Variants in SUPT4H1 observed in about 807,000 individuals in gnomAD.
SUPT4H1 encodes SPT4 homolog, DSIF elongation factor subunit, also known as transcription elongation factor SPT4.
In SUPT4H1, 12 loss-of-function variants were observed where a neutral mutation model predicts 19.4. That is an observed-to-expected ratio of 0.62 (90% CI 0.40 to 1.00). The LOEUF (loss-of-function observed/expected upper bound fraction) is 1.00, where lower values mean the gene tolerates loss of function less well. SUPT4H1 is among the 50% of genes least tolerant of loss of function. The pLI is 0.00. For missense variants in SUPT4H1, 115 were observed against 149.2 expected (o/e 0.77, Z 1.19); for synonymous variants, 58 against 56.3 (o/e 1.03, Z -0.14).
intron 2 of SUPT4H1, 126 bp downstream of exon 2, chr17:58,351,276 C>G: frequency 3.5e-6 from 2 of 579,378 alleles, no homozygotes; most frequent in South Asian, 5.0e-5. Context: ...AAAAAAAAAC[C>G]CACACAAAAT....
In SUPT4H1 at chr17:58,345,429, C is replaced by G. The variant is rs540079047; in HGVS notation, c.*817G>C. ...CGAAAAATGGGATGTTACCCAAGGT[C>G]CCCTACTAGGCCGGAGGAGAAAAGG... On this transcript the variant is annotated 3_prime_UTR_variant, in exon 5 of 5. Transcript: ENST00000225504. The G allele has an allele frequency of 1.3e-5, 2 of 152,054 alleles. No individual in the cohort carries two copies. Among genetic ancestry groups the G allele is most frequent in the Non-Finnish European group, 2.9e-5 (2 of 68,012 alleles). 9.4% of individuals were successfully genotyped at this position (152,054 alleles called of 1,614,324 possible). A position where few individuals can be genotyped will look rare whatever the true frequency, so the allele number is the denominator to read the frequency against.
At chr17:58,346,426 T>G (rs1972290064) in intron 4 of SUPT4H1, 113 bp from the exon 5 acceptor site, 1 of 838,426 alleles carries the variant, frequency 1.2e-6, no homozygotes, top group Non-Finnish European at 2.0e-6. Flanking sequence ...CCTAGACTAC[T>G]TATCAATCGT....
At chr17:58,348,233 A>AG (rs1247558464) in intron 2 of SUPT4H1, among the ~76,000 whole-genome samples, 7 of 152,268 alleles carry the variant, frequency 4.6e-5, no homozygotes, top group African/African-American at 1.7e-4. Context: ...TTCAAGGGCT[A>AG]GAAGATGCTG....
chr17:58,347,233 T>G lies in SUPT4H1; in HGVS notation c.241A>C (p.Lys81Gln). Residue 81 changes from lysine to glutamine, a missense_variant, in exon 4 of 5, where the codon AAG becomes CAG. Physicochemically the swap from Lys to Gln is moderately conservative, Grantham distance 53 (BLOSUM62 1). Coordinates refer to ENST00000225504, the MANE Select transcript of SUPT4H1 (RefSeq NM_003168.3). ...VSKWQRVSNF[K>Q]PGVYAVSVTG... is the part of the protein sequence containing the mutation. The stretch of plus-strand genomic sequence containing the variant: ...ACTGACACCGCATATACACCTGGCT[T>G]AAAGTTACCTGAGAGAGAAGAAAAA... 6.2e-7 allele frequency: 1 copy of G among 1,614,136 alleles called. No homozygotes were observed. The highest frequency in any genetic ancestry group is 8.5e-7 in the Non-Finnish European group (1 of 1,179,996).
intron 4 of SUPT4H1, 60 bp downstream of exon 4, chr17:58,347,128 T>TA (rs1167750823): frequency 9.8e-6 from 15 of 1,525,710 alleles, no homozygotes; most frequent in East Asian, 4.5e-5. Context: ...TTAATTCAGA[T>TA]AAAAAAACTT....
rs181115521 is a variant in SUPT4H1, at chr17:58,350,891, A to G, written c.176+511T>C. 9.9e-5 allele frequency among the ~76,000 whole-genome samples: 15 copies of G among 151,146 alleles called. No homozygotes were observed. The East Asian group carries it at 2.9e-3, about 29-fold the overall frequency. On this transcript the variant is annotated intron_variant, in intron 2 of 4. Transcript: ENST00000225504. ...TTTTGGGCAATGATCTACCATTACT[A>G]CACCTCCCTTCCCTTCATTTTCAAA...
At chr17:58,348,027 C>A (rs1471783851) in intron 2 of SUPT4H1, among the ~76,000 whole-genome samples, 2 of 152,152 alleles carry the variant, frequency 1.3e-5, no homozygotes, top group Non-Finnish European at 2.9e-5. Context: ...TATGGGGACC[C>A]CTCTAATGAC....
At chr17:58,347,327 G>C in intron 3 of SUPT4H1, 86 bp from the exon 4 acceptor site, 1 of 1,473,330 alleles carries the variant, frequency 6.8e-7, no homozygotes, top group Non-Finnish European at 9.5e-7. Flanking sequence ...AAGAAGTGAT[G>C]CAACTCCAAG....
intron 2 of SUPT4H1, among the ~76,000 whole-genome samples, chr17:58,350,284 C>A (rs1009117666): frequency 2.0e-5 from 3 of 151,480 alleles, no homozygotes; most frequent in African/African-American, 7.3e-5. Context: ...GAGGCCGAGG[C>A]GGGTGGATCA....
At chr17:58,348,640 C>A (rs1156537702) in intron 2 of SUPT4H1, among the ~76,000 whole-genome samples, 3 of 152,230 alleles carry the variant, frequency 2.0e-5, no homozygotes, top group African/African-American at 7.2e-5. Context: ...AGAATTCCCA[C>A]TGTTCTCCAA....
chr17:58,352,078 A>G lies in SUPT4H1; in HGVS notation c.58T>C (p.Ser20Pro). 3 of 1,614,188 alleles carry G rather than the reference A, an allele frequency of 1.9e-6. No homozygotes were observed. The highest frequency in any genetic ancestry group is 2.5e-6 in the Non-Finnish European group (3 of 1,180,022). ...TCCCCGACTGACACCTTGACCAGCG[A>G]ACACAGCAAACAGGCCCGCAGATGC... ...LRHLRACLLC[S>P]LVKTIDQFEY... is the part of the protein sequence containing the mutation. Residue 20 changes from serine (S) to proline (P), a missense_variant, in exon 1 of 5, where the codon TCG becomes CCG. Coordinates refer to ENST00000225504, the MANE Select transcript of SUPT4H1 (RefSeq NM_003168.3).
At chr17:58,351,069 G>C (rs1398756805) in intron 2 of SUPT4H1, among the ~76,000 whole-genome samples, 4 of 151,892 alleles carry the variant, frequency 2.6e-5, no homozygotes, top group Non-Finnish European at 4.4e-5. Context: ...CGTGGATAGT[G>C]GTCACTGTAT....
intron 3 of SUPT4H1, 84 bp from the exon 4 acceptor site, chr17:58,347,325 A>T: frequency 1.3e-6 from 2 of 1,485,322 alleles, no homozygotes; most frequent in Non-Finnish European, 1.9e-6. Flanking sequence ...TAAAGAAGTG[A>T]TGCAACTCCA....
At chr17:58,349,130 T>C (rs1031746026) in intron 2 of SUPT4H1, among the ~76,000 whole-genome samples, 7 of 152,246 alleles carry the variant, frequency 4.6e-5, no homozygotes, top group Admixed American at 4.6e-4. Context: ...GTGCAGTTGC[T>C]AAACAGTATG....
chr17:58,347,220 T>A lies in SUPT4H1; in HGVS notation c.254A>T (p.Tyr85Phe). 6.2e-7 allele frequency: 1 copy of A among 1,614,220 alleles called. No homozygotes were observed. The highest frequency in any genetic ancestry group is 8.5e-7 in the Non-Finnish European group (1 of 1,180,044). The stretch of plus-strand genomic sequence containing the variant: ...CAGGCGACCAGTGACTGACACCGCA[T>A]ATACACCTGGCTTAAAGTTACCTGA... ...QRVSNFKPGV[Y>F]AVSVTGRLPQ... The change falls in exon 4 of 5, where the codon TAT becomes TTT. Residue 85 changes from tyrosine to phenylalanine, a missense_variant. Physicochemically the swap from Tyr to Phe is conservative, Grantham distance 22. Coordinates refer to ENST00000225504, the MANE Select transcript of SUPT4H1 (RefSeq NM_003168.3).
At chr17:58,347,124 C>G in intron 4 of SUPT4H1, 64 bp downstream of exon 4, 1 of 1,488,202 alleles carries the variant, frequency 6.7e-7, no homozygotes, top group Non-Finnish European at 9.4e-7. Context: ...GGCATTAATT[C>G]AGATAAAAAA....
intron 2 of SUPT4H1, among the ~76,000 whole-genome samples, chr17:58,350,927 A>G (rs1158625305): frequency 3.3e-5 from 5 of 151,380 alleles, no homozygotes; most frequent in Admixed American, 2.6e-4. Context: ...AAAAATTTTC[A>G]TGCATTTAAC....
chr17:58,348,845 C>T (rs1408379580), intron 2 of SUPT4H1, among the ~76,000 whole-genome samples: 2 of 152,126 alleles, frequency 1.3e-5, no homozygotes, highest in African/African-American at 2.4e-5. Context: ...TCTTTAAGAC[C>T]TAATATGCAC....
chr17:58,352,193 G>T lies in SUPT4H1; in HGVS notation c.-58C>A. 2.6e-6 allele frequency: 4 copies of T among 1,538,264 alleles called. No homozygotes were observed. Among genetic ancestry groups the T allele is most frequent in the Non-Finnish European group, 3.6e-6 (4 of 1,113,364 alleles). Reference sequence around the variant, plus strand: ...ACGACCACAGCCTGTGCACCCGCAGGAAGTAAATAGCTCGTTACCCAGAAT... The same window carrying T: ...ACGACCACAGCCTGTGCACCCGCAGTAAGTAAATAGCTCGTTACCCAGAAT... On this transcript the variant is annotated 5_prime_UTR_variant, in exon 1 of 5. Coordinates refer to ENST00000225504, the MANE Select transcript of SUPT4H1 (RefSeq NM_003168.3).
Sources: gnomAD v4.1 joint callset for allele counts (sites outside exome capture counted in the v4.1 genomes callset) on GRCh38, gnomAD v4.1.1 for gene constraint, MANE v1.5 for transcripts, NCBI Gene and HGNC (gene_info 2026-07-23, HGNC 2026-07-21) for gene names.